The following LAMA4 variants were observed in gnomAD, a reference collection of about 807,000 sequenced individuals.
LAMA4 encodes laminin subunit alpha 4, also known as laminin subunit alpha-4.
A neutral mutation model predicts 207.1 loss-of-function variants in LAMA4; 127 were observed. The ratio of observed to expected loss-of-function variants is 0.61; its 90% confidence interval spans 0.53 to 0.71. LAMA4 has a LOEUF of 0.71. Among genes scored for constraint, LAMA4 ranks in the 30% least tolerant of loss-of-function variants. LAMA4 has a pLI of 0.00. For missense variants in LAMA4, 2,093 were observed against 2,246.5 expected, an observed-to-expected ratio of 0.93 and a Z score of 1.38; for synonymous variants, 761 against 816.0, an observed-to-expected ratio of 0.93 and a Z score of 1.15.
chr6:112,188,362 A>G (rs1287102145), intron 7 of LAMA4, among the ~76,000 whole-genome samples: 1 of 152,118 alleles, frequency 6.6e-6, no homozygotes, highest in Non-Finnish European at 1.5e-5. Context: ...AGGCATCTTG[A>G]TGTTCTTAAA....
chr6:112,212,455 C>T (rs782678625), intron 3 of LAMA4, among the ~76,000 whole-genome samples: 12 of 152,076 alleles, frequency 7.9e-5, no homozygotes, highest in Non-Finnish European at 1.2e-4. Context: ...AACACCTGAC[C>T]TCAGGTGATC....
intron 3 of LAMA4, among the ~76,000 whole-genome samples, chr6:112,212,412 TG>T (rs1784401717): frequency 6.6e-6 from 1 of 152,036 alleles, no homozygotes; most frequent in Non-Finnish European, 1.5e-5. Context: ...TTAGTAGAGA[TG>T]GGGTTTTGCC....
intron 34 of LAMA4, 87 bp downstream of exon 34, chr6:112,119,069 G>C: frequency 7.3e-7 from 1 of 1,371,912 alleles, no homozygotes; most frequent in Non-Finnish European, 1.0e-6. Context: ...CTAGTTTCTA[G>C]TTTCCTAATC....
intron 2 of LAMA4, among the ~76,000 whole-genome samples, chr6:112,223,736 A>G (rs1554361360): frequency 6.6e-6 from 1 of 152,222 alleles, no homozygotes; most frequent in East Asian, 1.9e-4. Flanking sequence ...TGCAAGGCAC[A>G]AAGTGAAAGT....
At chr6:112,225,694 G>A (rs1016574504) in intron 2 of LAMA4, among the ~76,000 whole-genome samples, 2 of 152,182 alleles carry the variant, frequency 1.3e-5, no homozygotes, top group Admixed American at 1.3e-4. Flanking sequence ...GTAGGACTAG[G>A]AGTTCTCCAA....
intron 5 of LAMA4, 51 bp from the exon 6 acceptor site, chr6:112,191,901 C>T: frequency 7.4e-7 from 1 of 1,353,380 alleles, no homozygotes; most frequent in Non-Finnish European, 1.0e-6. Flanking sequence ...GTTTTTCTTC[C>T]TTTTAATCTT....
intron 2 of LAMA4, among the ~76,000 whole-genome samples, chr6:112,227,984 C>A (rs1003137667): frequency 6.6e-6 from 1 of 152,162 alleles, no homozygotes; most frequent in Admixed American, 6.5e-5. Flanking sequence ...CTCTCATTTT[C>A]CAGTTGACTG....
Position 112,114,759 on chromosome 6 carries a change from G to C in LAMA4, c.5113-3C>G. 6.3e-7 allele frequency: 1 copy of C among 1,584,556 alleles called. No homozygotes were observed. Among genetic ancestry groups the C allele is most frequent in the Non-Finnish European group, 8.7e-7 (1 of 1,153,308 alleles). ...CCATTATTGACTTTCACTATGACCTGCAAAAGATAGGACACATTGTATGAT... is the reference window on the plus strand; with the variant it reads ...CCATTATTGACTTTCACTATGACCTCCAAAAGATAGGACACATTGTATGAT... On this transcript the variant is annotated splice_polypyrimidine_tract_variant and splice_region_variant and intron_variant, in intron 36 of 38. Transcript: ENST00000230538.
Position 112,172,664 on chromosome 6 carries a change from T to C in LAMA4, c.1498A>G (p.Arg500Gly). The C allele has an allele frequency of 6.2e-7, 1 of 1,613,672 alleles. No homozygotes were observed. Among genetic ancestry groups the C allele is most frequent in the Non-Finnish European group, 8.5e-7 (1 of 1,179,986 alleles). Residue 500 changes from arginine (R) to glycine (G), a missense_variant, in exon 12 of 39, where the codon AGG (arginine) becomes GGG (glycine). Transcript: ENST00000230538. Reference protein sequence around the residue: ...EALDQALNYVRDAEDMNRATA... With the variant: ...EALDQALNYVGDAEDMNRATA... ...GCCCTGTTCATGTCTTCGGCATCCCTGACATAGTTAAGGGCCTGGTCAAGT... is the reference window on the plus strand; with the variant it reads ...GCCCTGTTCATGTCTTCGGCATCCCCGACATAGTTAAGGGCCTGGTCAAGT...
intron 5 of LAMA4, among the ~76,000 whole-genome samples, chr6:112,196,880 G>C (rs1466554686): frequency 2.0e-5 from 3 of 152,186 alleles, no homozygotes; most frequent in African/African-American, 7.2e-5. Flanking sequence ...ATGCCAGATA[G>C]TGTGCTGAGG....
At chr6:112,209,537 G>A (rs782589103) in intron 3 of LAMA4, among the ~76,000 whole-genome samples, 3 of 152,150 alleles carry the variant, frequency 2.0e-5, no homozygotes. Context: ...GCACATTCTG[G>A]GAGATTGGCA....
At chr6:112,132,967 A>AGATATCTGTGTGCCAGAACAAGTGGAGAT in intron 27 of LAMA4, 77 bp from the exon 28 acceptor site, 1 of 1,455,370 alleles carries the variant, frequency 6.9e-7, no homozygotes, top group Non-Finnish European at 9.6e-7. Flanking sequence ...TCACATACGG[A>AGATATCTGTGTGCCAGAACAAGTGGAGAT]AGGCCTTGCC....
intron 17 of LAMA4, among the ~76,000 whole-genome samples, chr6:112,149,386 A>T (rs970119343): frequency 3.3e-5 from 5 of 152,104 alleles, no homozygotes; most frequent in African/African-American, 7.2e-5. Context: ...TCTCATCTTG[A>T]ATTGTAATCT....
chr6:112,241,269 A>AT (rs1786493255), intron 2 of LAMA4, among the ~76,000 whole-genome samples: 1 of 146,800 alleles, frequency 6.8e-6, no homozygotes, highest in Non-Finnish European at 1.5e-5. Flanking sequence ...AGAAATCTCA[A>AT]CGACTGTTAC....
intron 13 of LAMA4, among the ~76,000 whole-genome samples, chr6:112,162,715 C>T (rs558475259): frequency 2.0e-5 from 3 of 152,082 alleles, no homozygotes; most frequent in Non-Finnish European, 2.9e-5. Flanking sequence ...TTATTACAGT[C>T]GTACTGAGTT....
In LAMA4 at chr6:112,109,240, T is replaced by G; in HGVS notation, c.*197A>C. The G allele has an allele frequency of 1.6e-6, 1 of 643,736 alleles. No homozygotes were observed. The highest frequency in any genetic ancestry group is 1.9e-5 in the South Asian group (1 of 53,664). The allele number at this position is 643,736 out of a possible 1,614,324, so 39.9% of individuals were successfully genotyped here. A position where few individuals can be genotyped will look rare whatever the true frequency, so the allele number is the denominator to read the frequency against. ...TTGCCACTCCTTCAATTGTTGTCCA[T>G]TGCAGACACTTTGGATTCAAGGTTA... On this transcript the variant is annotated 3_prime_UTR_variant, in exon 39 of 39. Transcript: ENST00000230538.
intron 12 of LAMA4, among the ~76,000 whole-genome samples, chr6:112,169,116 G>T (rs1781568459): frequency 1.3e-5 from 2 of 152,284 alleles, no homozygotes; most frequent in East Asian, 1.9e-4. Flanking sequence ...GATGAAGGTT[G>T]GTTACATAGT....
chr6:112,129,170 ATG>A (rs782301781), intron 30 of LAMA4, 95 bp from the exon 31 acceptor site: 1,945 of 950,704 alleles, frequency 2.0e-3, no homozygotes, highest in South Asian at 2.3e-3. Context: ...GGCAATTAAA[ATG>A]TGTGTGTGTG....
chr6:112,130,045 A>C lies in LAMA4; in HGVS notation c.3969-5T>G. The C allele has an allele frequency of 3.7e-6, 6 of 1,612,236 alleles. No homozygotes were observed. Among genetic ancestry groups the C allele is most frequent in the Non-Finnish European group, 5.1e-6 (6 of 1,178,986 alleles). On this transcript the variant is annotated splice_region_variant and splice_polypyrimidine_tract_variant and intron_variant, in intron 29 of 38. Transcript: ENST00000230538. ...TTATCTACTATCAGTTCATATCTGC[A>C]AAAGAAAAAGGCTTCTTTACATACC...
Sources: gnomAD v4.1 joint callset for allele counts (sites outside exome capture counted in the v4.1 genomes callset) on GRCh38, gnomAD v4.1.1 for gene constraint, MANE v1.5 for transcripts, NCBI Gene and HGNC (gene_info 2026-07-23, HGNC 2026-07-21) for gene names.